Variants in HTR5A observed in about 807,000 individuals in gnomAD.
HTR5A encodes the protein 5-hydroxytryptamine receptor 5A.
A neutral mutation model predicts 24.3 loss-of-function variants in HTR5A; 21 were observed. That is an observed-to-expected ratio of 0.86 (90% CI 0.61 to 1.24). The LOEUF (loss-of-function observed/expected upper bound fraction) is 1.24. Among genes scored for constraint, HTR5A ranks in the 50% most tolerant of loss-of-function variants. HTR5A has a pLI of 0.00. For missense variants in HTR5A, 497 were observed against 489.5 expected (o/e 1.02, Z -0.15); for synonymous variants, 260 against 213.7 (o/e 1.22, Z -1.89).
At position 155,084,409 on chromosome 7, in the gene HTR5A, C is replaced by T; in HGVS notation, c.996C>T (p.Phe332=). The T allele has an allele frequency of 6.2e-7, 1 of 1,614,208 alleles. No homozygotes were observed. Among genetic ancestry groups the T allele is most frequent in the Non-Finnish European group, 8.5e-7 (1 of 1,180,038 alleles). ...IFLWLGYSNS[F]FNPLIYTAFN... ...TGTGGCTTGGCTACTCCAACTCCTTCTTTAACCCCCTGATCTATACGGCTT... is the reference window on the plus strand; with the variant it reads ...TGTGGCTTGGCTACTCCAACTCCTTTTTTAACCCCCTGATCTATACGGCTT... Residue 332 remains phenylalanine, a synonymous_variant, in exon 2 of 2, where the codon TTC becomes TTT. Coordinates refer to ENST00000287907, the MANE Select transcript of HTR5A (RefSeq NM_024012.4).
At position 155,084,872 on chromosome 7, in the gene HTR5A, C is replaced by T. The variant is rs1795459044; in HGVS notation, c.*385C>T. On this transcript the variant is annotated 3_prime_UTR_variant, in exon 2 of 2. Transcript: ENST00000287907. ...TTGAGATTGAATAGAAAAGAATGAA[C>T]AAGTCATGATGTAGACCTCTGAGGG... The T allele has an allele frequency of 5.1e-6, 1 of 197,906 alleles. No homozygotes were observed. The highest frequency in any genetic ancestry group is 1.0e-5 in the Non-Finnish European group (1 of 97,988). 12.3% of individuals were successfully genotyped at this position (197,906 alleles called of 1,614,324 possible). A position where few individuals can be genotyped will look rare whatever the true frequency, so the allele number is the denominator to read the frequency against.
intron 1 of HTR5A, among the ~76,000 whole-genome samples, chr7:155,082,602 C>T (rs1474572269): frequency 6.6e-6 from 1 of 152,202 alleles, no homozygotes; most frequent in Non-Finnish European, 1.5e-5. Context: ...GGAGACTTTC[C>T]AGAGGGTTGA....
intron 1 of HTR5A, 145 bp downstream of exon 1, chr7:155,071,785 A>C: frequency 2.6e-6 from 2 of 782,894 alleles, no homozygotes; most frequent in South Asian, 3.6e-5. Flanking sequence ...GAGTGGAAGA[A>C]AGCATCAGAG....
In HTR5A at chr7:155,085,938, T is replaced by C. The variant is rs1462487452; in HGVS notation, c.*1451T>C. 6.6e-6 allele frequency among the ~76,000 whole-genome samples: 1 copy of C among 152,232 alleles called. No individual in the cohort carries two copies. The highest frequency in any genetic ancestry group is 2.4e-5 in the African/African-American group (1 of 41,466). ...ATGTTAGACACCTGTGAAGTCACAA[T>C]TAATATGCTAAATGCAGATCTTTAT... On this transcript the variant is annotated 3_prime_UTR_variant, in exon 2 of 2. Coordinates refer to ENST00000287907, the MANE Select transcript of HTR5A (RefSeq NM_024012.4).
chr7:155,074,101 G>T (rs1187427205), intron 1 of HTR5A, among the ~76,000 whole-genome samples: 1 of 151,816 alleles, frequency 6.6e-6, no homozygotes, highest in East Asian at 1.9e-4. Context: ...TGTGATAATG[G>T]GAGTGGGTGT....
chr7:155,084,811 C>A lies in HTR5A; in HGVS notation c.*324C>A. On this transcript the variant is annotated 3_prime_UTR_variant, in exon 2 of 2. Transcript: ENST00000287907. ...CGACATTGTCTTAAAGAAGTCAAGG[C>A]AAATAAGAAGGAGGAGGTAAAACAA... is the stretch of plus-strand genomic sequence containing the variant. 1 of 219,434 alleles carries A rather than the reference C, an allele frequency of 4.6e-6. No individual in the cohort carries two copies. 13.6% of individuals were successfully genotyped at this position (219,434 alleles called of 1,614,324 possible).
At chr7:155,077,583 C>T (rs1272757736) in intron 1 of HTR5A, among the ~76,000 whole-genome samples, 1 of 151,806 alleles carries the variant, frequency 6.6e-6, no homozygotes, top group East Asian at 1.9e-4. Flanking sequence ...CCTGCCTCAG[C>T]CTCCCAAGTA....
Position 155,071,510 on chromosome 7 carries a change from C to T in HTR5A, c.611C>T (p.Ser204Phe). The change falls in exon 1 of 2, where the codon TCC (serine) becomes TTC (phenylalanine). Residue 204 changes from serine (S) to phenylalanine (F), a missense_variant. Transcript: ENST00000287907. ...VSREPSYAVF[S>F]TVGAFYLPLC... ...CGCGAGCCTTCCTACGCCGTGTTCT[C>T]CACCGTAGGCGCCTTCTACCTGCCG... 2.5e-6 allele frequency: 4 copies of T among 1,614,192 alleles called. No individual in the cohort carries two copies. The highest frequency in any genetic ancestry group is 2.5e-6 in the Non-Finnish European group (3 of 1,180,038).
Position 155,084,483 on chromosome 7 carries a change from A to G in HTR5A, c.1070A>G (p.His357Arg). The G allele has an allele frequency of 6.2e-7, 1 of 1,606,350 alleles. No homozygotes were observed. The highest frequency in any genetic ancestry group is 8.5e-7 in the Non-Finnish European group (1 of 1,175,160). The change falls in exon 2 of 2, where the codon CAC (histidine) becomes CGC (arginine). Residue 357 changes from histidine to arginine, a missense_variant. Physicochemically the swap from His to Arg is conservative, Grantham distance 29. Transcript: ENST00000287907. ...SAFKNFFSRQ[H>R] The stretch of plus-strand genomic sequence containing the variant: ...TTCAAGAACTTCTTTTCTAGGCAAC[A>G]CTGAGGGAGAGGACCAGGATTGAAA...
At position 155,087,385 on chromosome 7, in the gene HTR5A, C is replaced by T. The variant is rs574623063; in HGVS notation, c.*2898C>T. Among the ~76,000 whole-genome samples the T allele has an allele frequency of 6.6e-6, 1 of 152,304 alleles. No individual in the cohort carries two copies. Among genetic ancestry groups the T allele is most frequent in the East Asian group, 1.9e-4 (1 of 5,174 alleles). ...AAAGAGAAAATAAAGATTGAGTCCA[C>T]AGCTCAAGTGCTGAGTGAAAGTGAT... On this transcript the variant is annotated 3_prime_UTR_variant, in exon 2 of 2. Transcript: ENST00000287907.
In HTR5A at chr7:155,071,749, T is replaced by C. The variant is rs143709810; in HGVS notation, c.741+109T>C. ...TTGTAGAAAATGGAACTTTTTGTGTTTGGGAGTGGGGGGAGTAAACTGGGA... is the reference window on the plus strand; with the variant it reads ...TTGTAGAAAATGGAACTTTTTGTGTCTGGGAGTGGGGGGAGTAAACTGGGA... On this transcript the variant is annotated intron_variant, in intron 1 of 1. Coordinates refer to ENST00000287907, the MANE Select transcript of HTR5A (RefSeq NM_024012.4). 8.6e-4 allele frequency: 1,043 copies of C among 1,206,326 alleles called. 3 individuals carry two copies. The Middle Eastern group carries it at 0.012, about 13-fold the overall frequency. The allele number at this position is 1,206,326 out of a possible 1,614,324, so 74.7% of individuals were successfully genotyped here. A position where few individuals can be genotyped will look rare whatever the true frequency, so the allele number is the denominator to read the frequency against.
intron 1 of HTR5A, among the ~76,000 whole-genome samples, chr7:155,082,511 C>T (rs1038267735): frequency 6.6e-6 from 1 of 152,146 alleles, no homozygotes; most frequent in Non-Finnish European, 1.5e-5. Flanking sequence ...TGTGATAAGC[C>T]TCCACAGTGT....
intron 1 of HTR5A, 102 bp from the exon 2 acceptor site, chr7:155,084,053 C>T: frequency 2.2e-6 from 2 of 929,794 alleles, no homozygotes; most frequent in Non-Finnish European, 3.2e-6. Flanking sequence ...CGAAGACTTT[C>T]CCTTGAGTGG....
In HTR5A at chr7:155,071,157, T is replaced by C; in HGVS notation, c.258T>C (p.Asp86=). ...TGGTGGCATCCATGGCCGTCTCGGATGTCCTGGTGGCCGCGCTGGTCATGC... is the reference window on the plus strand; with the variant it reads ...TGGTGGCATCCATGGCCGTCTCGGACGTCCTGGTGGCCGCGCTGGTCATGC... ...HNLVASMAVS[D]VLVAALVMPL... Residue 86 remains aspartate, a synonymous_variant, in exon 1 of 2, where the codon GAT becomes GAC. Transcript: ENST00000287907. The C allele has an allele frequency of 1.2e-6, 2 of 1,603,822 alleles. No individual in the cohort carries two copies. The highest frequency in any genetic ancestry group is 1.7e-6 in the Non-Finnish European group (2 of 1,179,880).
chr7:155,080,785 G>C (rs750987198), intron 1 of HTR5A, among the ~76,000 whole-genome samples: 7 of 152,154 alleles, frequency 4.6e-5, no homozygotes, highest in Non-Finnish European at 1.0e-4. Flanking sequence ...GAGGCTTTCT[G>C]TTGGATGGGG....
intron 1 of HTR5A, among the ~76,000 whole-genome samples, chr7:155,080,253 C>T (rs896129976): frequency 1.2e-4 from 18 of 152,180 alleles, no homozygotes; most frequent in African/African-American, 4.3e-4. Context: ...CTACATAGAT[C>T]TAAGACAATT....
intron 1 of HTR5A, among the ~76,000 whole-genome samples, chr7:155,082,170 T>A (rs1795424777): frequency 6.6e-6 from 1 of 151,908 alleles, no homozygotes; most frequent in Non-Finnish European, 1.5e-5. Context: ...GTGAACGACA[T>A]CCACACTGTG....
Position 155,070,880 on chromosome 7 carries a change from G to T in HTR5A, c.-20G>T, listed in dbSNP as rs763483316. The T allele has an allele frequency of 5.6e-5, 89 of 1,584,736 alleles. No homozygotes were observed. Among genetic ancestry groups the T allele is most frequent in the Non-Finnish European group, 6.9e-5 (81 of 1,169,994 alleles). Reference sequence around the variant, plus strand: ...AACACCCCTTCTGCAAGTACCCCAGGGCGGTCTCCTGACCCAGAGATGGAT... The same window carrying T: ...AACACCCCTTCTGCAAGTACCCCAGTGCGGTCTCCTGACCCAGAGATGGAT... On this transcript the variant is annotated 5_prime_UTR_variant, in exon 1 of 2. Transcript: ENST00000287907.
At chr7:155,079,950 T>G (rs1795398176) in intron 1 of HTR5A, among the ~76,000 whole-genome samples, 1 of 152,230 alleles carries the variant, frequency 6.6e-6, no homozygotes, top group Admixed American at 6.5e-5. Context: ...AAGCAAAGTT[T>G]GATCAATTGC....
Sources: allele counts gnomAD v4.1 joint callset (sites outside exome capture counted in the v4.1 genomes callset), GRCh38; gene constraint gnomAD v4.1.1; transcripts MANE v1.5; gene names NCBI Gene and HGNC (gene_info 2026-07-23, HGNC 2026-07-21).